The following FBXO4 variants were observed in gnomAD, a reference collection of about 807,000 sequenced individuals.
The protein encoded by FBXO4 is F-box only protein 4.
In FBXO4, 36 loss-of-function variants were observed where a neutral mutation model predicts 43.7. The ratio of observed to expected loss-of-function variants is 0.82; its 90% CI spans 0.63 to 1.09. The LOEUF (loss-of-function observed/expected upper bound fraction) is 1.09. Among genes scored for constraint, FBXO4 ranks in the 50% least tolerant of loss-of-function variants. The pLI, the probability that FBXO4 is intolerant of heterozygous loss-of-function variation, is 0.00. For missense variants in FBXO4, 435 were observed against 474.1 expected (o/e 0.92, Z 0.77); for synonymous variants, 180 against 165.6 (o/e 1.09, Z -0.67).
chr5:41,970,806 A>G, the FBXO4 span, among the ~76,000 whole-genome samples: 15 of 152,122 alleles, frequency 9.9e-5, no homozygotes, highest in Admixed American at 3.3e-4. Context: ...CTAACATAAT[A>G]TACAATACAG....
At chr5:41,968,926 C>G in the FBXO4 span, among the ~76,000 whole-genome samples, 3 of 152,034 alleles carry the variant, frequency 2.0e-5, no homozygotes, top group Admixed American at 6.6e-5. Flanking sequence ...CCATTCTGTT[C>G]CCATGGAAAT....
At chr5:41,949,324 G>A in the FBXO4 span, among the ~76,000 whole-genome samples, 3 of 152,260 alleles carry the variant, frequency 2.0e-5, no homozygotes, top group African/African-American at 4.8e-5. Flanking sequence ...AAACCTCATC[G>A]TCTCAGCCCA....
At chr5:42,033,460 G>T in the FBXO4 span, among the ~76,000 whole-genome samples, 160 of 152,204 alleles carry the variant, frequency 1.1e-3, no homozygotes, top group African/African-American at 3.5e-3. Flanking sequence ...GTGTGTCATG[G>T]TGGTTTTCTG....
the FBXO4 span, among the ~76,000 whole-genome samples, chr5:42,012,389 A>T: frequency 6.6e-6 from 1 of 152,104 alleles, no homozygotes; most frequent in African/African-American, 2.4e-5. Context: ...GATCTGTAAC[A>T]TTGGGTGATT....
the FBXO4 span, among the ~76,000 whole-genome samples, chr5:41,952,762 T>C: frequency 6.6e-6 from 1 of 152,194 alleles, no homozygotes; most frequent in Non-Finnish European, 1.5e-5. Flanking sequence ...GTATTTTCTG[T>C]TGGCCTCTTT....
At chr5:41,925,620 G>A in intron 1 of FBXO4, 122 bp downstream of exon 1, 1 of 669,170 alleles carries the variant, frequency 1.5e-6, no homozygotes, top group Non-Finnish European at 2.1e-6. Context: ...CTCCGTCCAT[G>A]CAGCCATTCC....
the FBXO4 span, chr5:41,952,045 T>C: frequency 4.2e-6 from 1 of 240,614 alleles, no homozygotes; most frequent in Admixed American, 4.4e-5. Flanking sequence ...TTCAGATTTA[T>C]GATGCAGATG....
chr5:42,011,585 A>G, the FBXO4 span, among the ~76,000 whole-genome samples: 1 of 152,180 alleles, frequency 6.6e-6, no homozygotes, highest in Non-Finnish European at 1.5e-5. Context: ...CGGATATTTT[A>G]TATATATTTA....
chr5:42,010,228 G>A, the FBXO4 span, among the ~76,000 whole-genome samples: 17 of 152,126 alleles, frequency 1.1e-4, no homozygotes, highest in South Asian at 6.2e-4. Context: ...GGGCAGGTGC[G>A]GTGGCTCACG....
the FBXO4 span, among the ~76,000 whole-genome samples, chr5:42,032,626 C>G: frequency 6.6e-6 from 1 of 152,142 alleles, no homozygotes; most frequent in South Asian, 2.1e-4. Context: ...CGCTTCAGGA[C>G]AGTGGGCTCC....
rs919283127 is a variant in FBXO4 at position 41,934,915 on chromosome 5, C to A, written c.898+607C>A. The A allele has an allele frequency of 3.1e-6, 3 of 979,746 alleles. No individual in the cohort carries two copies. In the African/African-American group the frequency reaches 5.3e-5, roughly 17 times the overall value. The allele number at this position is 979,746 out of a possible 1,614,324, so 60.7% of individuals were successfully genotyped here. A position where few individuals can be genotyped will look rare whatever the true frequency, so the allele number is the denominator to read the frequency against. On this transcript the variant is annotated intron_variant, in intron 5 of 6. Coordinates refer to ENST00000281623, the MANE Select transcript of FBXO4 (RefSeq NM_012176.3). The stretch of plus-strand genomic sequence containing the variant: ...ATATCTTTCCCAAATCCTTTGTGAA[C>A]AAGGTAGAATATAAATACATAATAT...
intron 3 of FBXO4, among the ~76,000 whole-genome samples, chr5:41,933,177 G>A (rs1751743851): frequency 6.6e-6 from 1 of 152,102 alleles, no homozygotes; most frequent in African/African-American, 2.4e-5. Flanking sequence ...AGTATCTTCA[G>A]TATTTTCTCA....
chr5:41,999,528 TATATATAC>T, the FBXO4 span, among the ~76,000 whole-genome samples: 20 of 109,038 alleles, frequency 1.8e-4, no homozygotes, highest in East Asian at 2.6e-3. Context: ...TATATACATA[TATATATAC>T]ATATATATGT....
chr5:42,031,388 T>G, the FBXO4 span, among the ~76,000 whole-genome samples: 1 of 142,874 alleles, frequency 7.0e-6, no homozygotes, highest in African/African-American at 2.6e-5. Flanking sequence ...ATGTTCTCAC[T>G]CATAGGTGGG....
At chr5:41,985,997 C>T in the FBXO4 span, among the ~76,000 whole-genome samples, 11 of 152,238 alleles carry the variant, frequency 7.2e-5, no homozygotes, top group East Asian at 1.9e-3. Context: ...AAATTCCCGA[C>T]TCTTGTCTTT....
chr5:41,998,163 T>C, the FBXO4 span, among the ~76,000 whole-genome samples: 3 of 152,214 alleles, frequency 2.0e-5, no homozygotes, highest in African/African-American at 7.2e-5. Context: ...ATGTCTACCT[T>C]TCCTTTGACG....
chr5:41,938,811 G>A (rs372190362), intron 5 of FBXO4, among the ~76,000 whole-genome samples: 1 of 152,206 alleles, frequency 6.6e-6, no homozygotes, highest in Non-Finnish European at 1.5e-5. Flanking sequence ...GCTGGGGGCT[G>A]TTATCAGCTT....
chr5:42,023,718 T>C, the FBXO4 span, among the ~76,000 whole-genome samples: 1 of 151,816 alleles, frequency 6.6e-6, no homozygotes, highest in Non-Finnish European at 1.5e-5. Flanking sequence ...GAAATAATAA[T>C]ATGAACCCCC....
At chr5:41,999,993 G>A in the FBXO4 span, among the ~76,000 whole-genome samples, 1 of 151,698 alleles carries the variant, frequency 6.6e-6, no homozygotes, top group Non-Finnish European at 1.5e-5. Context: ...ATCTCCCCAG[G>A]CCCTAGCAAC....
Sources: gnomAD v4.1 joint callset for allele counts (sites outside exome capture counted in the v4.1 genomes callset) on GRCh38, gnomAD v4.1.1 for gene constraint, MANE v1.5 for transcripts, NCBI Gene and HGNC (gene_info 2026-07-23, HGNC 2026-07-21) for gene names.